MRPS6: variants seen among roughly 807,000 people sequenced by gnomAD.
The protein encoded by MRPS6 is small ribosomal subunit protein bS6m.
A neutral mutation model predicts 13.1 loss-of-function variants in MRPS6; 6 were observed. The ratio of observed to expected loss-of-function variants is 0.46; its 90% CI spans 0.25 to 0.91. The LOEUF (loss-of-function observed/expected upper bound fraction) is 0.91, where lower values mean the gene tolerates loss of function less well. MRPS6 is among the 40% of genes least tolerant of loss of function. MRPS6 has a pLI of 0.18. For missense variants in MRPS6, 164 were observed against 155.6 expected, an observed-to-expected ratio of 1.05 and a Z score of -0.29; for synonymous variants, 61 against 56.5, an observed-to-expected ratio of 1.08 and a Z score of -0.36.
Position 34,118,846 on chromosome 21 carries a change from A to G in MRPS6, c.46-6495A>G, listed in dbSNP as rs186576741. Among the ~76,000 whole-genome samples the G allele has an allele frequency of 2.5e-3, 376 of 152,126 alleles. 2 individuals carry two copies. Among genetic ancestry groups the G allele is most frequent in the Non-Finnish European group, 3.0e-3 (204 of 68,004 alleles). On this transcript the variant is annotated intron_variant, in intron 1 of 2. Transcript: ENST00000399312. ...ATGTTTCTTAAAAATGGCCTATATA[A>G]TATGATTCATAAGCAAAGGAGTACA...
chr21:34,076,643 TAAAA>T (rs781655741), intron 1 of MRPS6, among the ~76,000 whole-genome samples: 7 of 152,166 alleles, frequency 4.6e-5, no homozygotes, highest in Non-Finnish European at 8.8e-5. Context: ...AGTGTGTATA[TAAAA>T]AAAGTTATTT....
At chr21:34,121,402 T>C (rs1277529725) in intron 1 of MRPS6, among the ~76,000 whole-genome samples, 1 of 152,178 alleles carries the variant, frequency 6.6e-6, no homozygotes, top group African/African-American at 2.4e-5. Flanking sequence ...TAATAACATA[T>C]TCAGGTTTGT....
At chr21:34,131,401 G>A (rs933892545) in intron 2 of MRPS6, among the ~76,000 whole-genome samples, 1 of 152,182 alleles carries the variant, frequency 6.6e-6, no homozygotes, top group Admixed American at 6.5e-5. Flanking sequence ...GGGGCAGAGG[G>A]CTCTAACTCC....
At chr21:34,135,354 T>TG in intron 2 of MRPS6, 2 of 163,830 alleles carry the variant, frequency 1.2e-5, no homozygotes, top group South Asian at 3.2e-4. Context: ...CGGTTTTTTT[T>TG]TTTTTTTTTT....
rs1234228305 is a variant in MRPS6, at chr21:34,094,588, TG to T, written c.45+20845del. On this transcript the variant is annotated intron_variant, in intron 1 of 2. Coordinates refer to ENST00000399312, the MANE Select transcript of MRPS6 (RefSeq NM_032476.4). ...AGTAAGACAAGAAAGGGCAATGCTG[TG>T]GTAGGCAGTTAGCTGCTGAAGTTAG... Among the ~76,000 whole-genome samples the T allele has an allele frequency of 3.9e-5, 6 of 152,180 alleles. No homozygotes were observed. The East Asian group carries it at 9.6e-4, about 24-fold the overall frequency.
At chr21:34,084,923 C>T (rs938429827) in intron 1 of MRPS6, among the ~76,000 whole-genome samples, 2 of 152,070 alleles carry the variant, frequency 1.3e-5, no homozygotes, top group Non-Finnish European at 2.9e-5. Flanking sequence ...CTTATTTTAT[C>T]TTTTTTTAAT....
intron 1 of MRPS6, among the ~76,000 whole-genome samples, chr21:34,118,244 A>G (rs1284405155): frequency 1.3e-5 from 2 of 152,162 alleles, no homozygotes; most frequent in Admixed American, 6.5e-5. Flanking sequence ...AACTTTACCA[A>G]TAGCCTACTG....
At chr21:34,074,743 T>A (rs1342575305) in intron 1 of MRPS6, among the ~76,000 whole-genome samples, 1 of 152,242 alleles carries the variant, frequency 6.6e-6, no homozygotes, top group Non-Finnish European at 1.5e-5. Context: ...TAAGCACAGC[T>A]TCCTACAGCG....
chr21:34,080,359 A>G (rs185718541), intron 1 of MRPS6, among the ~76,000 whole-genome samples: 9 of 152,248 alleles, frequency 5.9e-5, no homozygotes, highest in Admixed American at 2.6e-4. Context: ...TTTTAACCTC[A>G]TCTTTCAGTT....
chr21:34,076,764 A>G (rs1189074080), intron 1 of MRPS6, among the ~76,000 whole-genome samples: 1 of 152,248 alleles, frequency 6.6e-6, no homozygotes, highest in Non-Finnish European at 1.5e-5. Context: ...GGTGACAAGC[A>G]ATTTGAAAAA....
intron 1 of MRPS6, chr21:34,105,428 A>C (rs560496840): frequency 1.0e-6 from 1 of 997,186 alleles, no homozygotes; most frequent in South Asian, 4.7e-5. Flanking sequence ...TCATTCATTC[A>C]TTTATTTTTA....
At chr21:34,142,175 T>A (rs542566357) in intron 2 of MRPS6, among the ~76,000 whole-genome samples, 12 of 152,356 alleles carry the variant, frequency 7.9e-5, no homozygotes, top group African/African-American at 2.9e-4. Context: ...GATTCATATT[T>A]TCACAAGAGT....
chr21:34,082,771 A>G (rs909530967), intron 1 of MRPS6, among the ~76,000 whole-genome samples: 1 of 152,062 alleles, frequency 6.6e-6, no homozygotes, highest in Non-Finnish European at 1.5e-5. Context: ...GATAGATAAC[A>G]TCAAATTGCA....
chr21:34,090,908 C>T (rs1327641755), intron 1 of MRPS6, among the ~76,000 whole-genome samples: 3 of 152,182 alleles, frequency 2.0e-5, no homozygotes, highest in Admixed American at 6.5e-5. Context: ...GGTACCTACA[C>T]CCACCTCCCT....
intron 1 of MRPS6, chr21:34,101,785 T>G (rs1209066435): frequency 1.0e-6 from 1 of 996,296 alleles, no homozygotes; most frequent in Non-Finnish European, 1.2e-6. Context: ...TAGCTTAAAA[T>G]GTTAATTCTC....
At chr21:34,106,347 G>T in intron 1 of MRPS6, 1 of 225,114 alleles carries the variant, frequency 4.4e-6, no homozygotes, top group Non-Finnish European at 8.2e-6. Flanking sequence ...TTGTACCTCA[G>T]TTTCTTTTGC....
At chr21:34,106,030 G>C in intron 1 of MRPS6, 1 of 995,500 alleles carries the variant, frequency 1.0e-6, no homozygotes, top group Non-Finnish European at 1.2e-6. Flanking sequence ...CTGCTAAAGA[G>C]CTGTCAGTTT....
intron 1 of MRPS6, among the ~76,000 whole-genome samples, chr21:34,118,711 C>T (rs903359451): frequency 3.9e-5 from 6 of 151,946 alleles, no homozygotes; most frequent in Admixed American, 1.3e-4. Context: ...GATGGGGTTT[C>T]GCCATGTTGG....
intron 1 of MRPS6, chr21:34,123,205 C>G (rs909032949): frequency 6.6e-6 from 1 of 152,152 alleles, no homozygotes; most frequent in Non-Finnish European, 1.5e-5. Context: ...TTTAGCAGCA[C>G]TTGTCAGAAA....
Sources: gnomAD v4.1 joint callset for allele counts (sites outside exome capture counted in the v4.1 genomes callset) on GRCh38, gnomAD v4.1.1 for gene constraint, MANE v1.5 for transcripts, NCBI Gene and HGNC (gene_info 2026-07-23, HGNC 2026-07-21) for gene names.